Variants in NALCN observed in about 807,000 individuals in gnomAD.
NALCN encodes the protein sodium leak channel, non-selective.
In NALCN, 111 loss-of-function variants were observed where a neutral mutation model predicts 225.3. That is an observed-to-expected ratio of 0.49 (90% CI 0.42 to 0.58). The LOEUF is 0.58. Ranked by LOEUF, NALCN falls within the 20% of genes least tolerant of loss-of-function variation. The pLI is 0.00. For synonymous variants in NALCN, 764 were observed against 769.0 expected (o/e 0.99, Z 0.11); for missense variants, 1,378 against 2,202.4 (o/e 0.63, Z 7.49).
At chr13:101,318,825 T>G (rs1442032408) in intron 7 of NALCN, among the ~76,000 whole-genome samples, 1 of 152,214 alleles carries the variant, frequency 6.6e-6, no homozygotes. Context: ...TTTAGAATAA[T>G]TATGACACTG....
intron 17 of NALCN, among the ~76,000 whole-genome samples, chr13:101,142,552 A>C (rs2037140213): frequency 6.6e-6 from 1 of 152,172 alleles, no homozygotes; most frequent in South Asian, 2.1e-4. Context: ...TTGCTGTGGA[A>C]TCTGAAAAAA....
At chr13:101,143,344 G>T in intron 16 of NALCN, 123 bp from the exon 17 acceptor site, 1 of 945,332 alleles carries the variant, frequency 1.1e-6, no homozygotes, top group Non-Finnish European at 1.5e-6. Flanking sequence ...TAGAAAACTA[G>T]ATCATGACTA....
intron 13 of NALCN, among the ~76,000 whole-genome samples, chr13:101,211,650 C>CTATATATATATATATA (rs5806203): frequency 6.2e-5 from 9 of 145,578 alleles, no homozygotes; most frequent in African/African-American, 1.8e-4. Flanking sequence ...TGACAATAAA[C>CTATATATATATATATA]TATATATATA....
chr13:101,191,855 C>A, intron 14 of NALCN, 62 bp downstream of exon 14: 2 of 1,539,612 alleles, frequency 1.3e-6, no homozygotes, highest in African/African-American at 1.4e-5. Flanking sequence ...GGCCAAATAT[C>A]TGTTGATGTT....
At chr13:101,073,057 C>G (rs1161274790) in intron 37 of NALCN, among the ~76,000 whole-genome samples, 1 of 152,166 alleles carries the variant, frequency 6.6e-6, no homozygotes, top group African/African-American at 2.4e-5. Context: ...AGCTGGCTGT[C>G]TTAGCTTAAG....
At chr13:101,206,721 T>G (rs2040326024) in intron 13 of NALCN, among the ~76,000 whole-genome samples, 1 of 134,590 alleles carries the variant, frequency 7.4e-6, no homozygotes, top group Admixed American at 7.2e-5. Flanking sequence ...AACAACAGGT[T>G]TTTTAAATAT....
intron 7 of NALCN, among the ~76,000 whole-genome samples, chr13:101,300,276 C>T (rs2139089504): frequency 6.6e-6 from 1 of 152,074 alleles, no homozygotes; most frequent in African/African-American, 2.4e-5. Flanking sequence ...ATGTTTTCTC[C>T]CTCCGATCCT....
chr13:101,394,399 C>T (rs1471958948), intron 3 of NALCN, among the ~76,000 whole-genome samples: 2 of 152,140 alleles, frequency 1.3e-5, no homozygotes, highest in African/African-American at 4.8e-5. Context: ...ACTTGAGATG[C>T]TGATACAACC....
chr13:101,339,989 C>A (rs139678804), intron 7 of NALCN, among the ~76,000 whole-genome samples: 2 of 152,004 alleles, frequency 1.3e-5, no homozygotes, highest in Non-Finnish European at 2.9e-5. Context: ...CGTGCCCCGG[C>A]GGGTACAGTG....
intron 6 of NALCN, among the ~76,000 whole-genome samples, chr13:101,348,598 TATG>T (rs1381526107): frequency 6.6e-6 from 1 of 152,188 alleles, no homozygotes; most frequent in Non-Finnish European, 1.5e-5. Context: ...TGTTAATGAT[TATG>T]ATTTTTTAAA....
chr13:101,382,136 A>T (rs746135702), intron 3 of NALCN, among the ~76,000 whole-genome samples: 12 of 152,300 alleles, frequency 7.9e-5, no homozygotes, highest in East Asian at 1.9e-4. Flanking sequence ...ACAATGTTAT[A>T]TGTAGCAGCA....
intron 43 of NALCN, among the ~76,000 whole-genome samples, chr13:101,055,791 A>C (rs752384100): frequency 6.6e-6 from 1 of 152,164 alleles, no homozygotes; most frequent in Non-Finnish European, 1.5e-5. Flanking sequence ...GGAACTATTA[A>C]GTGTCACAGA....
chr13:101,151,312 C>T (rs992135204), intron 15 of NALCN, among the ~76,000 whole-genome samples: 3 of 152,194 alleles, frequency 2.0e-5, no homozygotes, highest in Admixed American at 6.5e-5. Context: ...AATATTCAAA[C>T]ATTATTCAGT....
chr13:101,379,734 G>A (rs1379688768), intron 3 of NALCN, among the ~76,000 whole-genome samples: 2 of 152,078 alleles, frequency 1.3e-5, no homozygotes, highest in Non-Finnish European at 2.9e-5. Context: ...GGCTAGGAGA[G>A]GGATAGCATT....
At chr13:101,116,593 C>T (rs765503455) in intron 18 of NALCN, 18 of 507,868 alleles carry the variant, frequency 3.5e-5, no homozygotes, top group Non-Finnish European at 6.6e-5. Context: ...CCTATACATT[C>T]TGTAATGAAA....
At chr13:101,256,936 TG>T (rs1233974964) in intron 11 of NALCN, among the ~76,000 whole-genome samples, 3 of 152,048 alleles carry the variant, frequency 2.0e-5, no homozygotes, top group African/African-American at 7.2e-5. Flanking sequence ...GCTAATTTTT[TG>T]TATTTTTAGT....
intron 42 of NALCN, chr13:101,058,626 A>G (rs1485653326): frequency 6.6e-6 from 1 of 152,086 alleles, no homozygotes; most frequent in Non-Finnish European, 1.5e-5. Context: ...CTTTCCTAAC[A>G]AAAGCCTTGG....
intron 10 of NALCN, among the ~76,000 whole-genome samples, chr13:101,265,565 A>G (rs2140237774): frequency 6.6e-6 from 1 of 152,298 alleles, no homozygotes; most frequent in African/African-American, 2.4e-5. Context: ...ATTAAAATGG[A>G]CACCAACAGG....
chr13:101,321,725 T>C (rs2044752091), intron 7 of NALCN, among the ~76,000 whole-genome samples: 1 of 152,128 alleles, frequency 6.6e-6, no homozygotes, highest in Admixed American at 6.5e-5. Context: ...TGTATATTTA[T>C]TCATATAAAT....
Sources: gnomAD v4.1 joint callset for allele counts (sites outside exome capture counted in the v4.1 genomes callset) on GRCh38, gnomAD v4.1.1 for gene constraint, MANE v1.5 for transcripts, NCBI Gene and HGNC (gene_info 2026-07-23, HGNC 2026-07-21) for gene names.